Variants in PLAAT1 observed in about 807,000 individuals in gnomAD.
PLAAT1 encodes H-REV107 protein-related protein.
PLAAT1 carries 13 observed loss-of-function variants against 16.4 expected under a neutral mutation model. The ratio of observed to expected loss-of-function variants is 0.79; its 90% CI spans 0.52 to 1.26. The LOEUF is 1.26. Among genes scored for constraint, PLAAT1 ranks in the 50% most tolerant of loss-of-function variants. PLAAT1 has a pLI of 0.00. For missense variants in PLAAT1, 218 were observed against 207.8 expected (o/e 1.05, Z -0.30); for synonymous variants, 73 against 78.4 (o/e 0.93, Z 0.36).
chr3:193,255,408 G>A (rs575520131), intron 1 of PLAAT1, among the ~76,000 whole-genome samples: 7 of 152,172 alleles, frequency 4.6e-5, no homozygotes, highest in Middle Eastern at 3.4e-3. Context: ...GAAATTGATC[G>A]GGATGAGAAG....
At position 193,251,525 on chromosome 3, in the gene PLAAT1, G is replaced by A. The variant is rs144207503; in HGVS notation, c.1-4126G>A. Among the ~76,000 whole-genome samples, 42 of 152,178 alleles carry A rather than the reference G, an allele frequency of 2.8e-4. 1 individual carries two copies. The East Asian group carries it at 6.0e-3, about 22-fold the overall frequency. The stretch of plus-strand genomic sequence containing the variant: ...GGTGTGAAACCTCACTTTGTTTTTC[G>A]TGCTTGAGGGAAATCCTCCAATGCC... On this transcript the variant is annotated intron_variant, in intron 1 of 3. Coordinates refer to ENST00000264735, the MANE Select transcript of PLAAT1 (RefSeq NM_020386.5).
chr3:193,242,158 A>G (rs934965293), intron 1 of PLAAT1, among the ~76,000 whole-genome samples: 3 of 145,006 alleles, frequency 2.1e-5, no homozygotes, highest in Non-Finnish European at 4.5e-5. Flanking sequence ...CATTAGAGTT[A>G]GTGTATTTTA....
In PLAAT1 at chr3:193,270,625, G is replaced by A. The variant is rs147242865; in HGVS notation, c.427G>A (p.Val143Ile). 6.9e-5 allele frequency: 111 copies of A among 1,613,436 alleles called. No homozygotes were observed. The highest frequency in any genetic ancestry group is 2.4e-4 in the African/African-American group (18 of 75,034). ...SEQANRAIST[V>I]EFVTAAVGVF... ...ATAGGCCAACCGAGCGATAAGTACC[G>A]TTGAGTTTGTGACAGCTGCTGTTGG... The change falls in exon 4 of 4, where the codon GTT becomes ATT. Residue 143 changes from valine to isoleucine, a missense_variant. Physicochemically the swap from Val to Ile is conservative, Grantham distance 29. Transcript: ENST00000264735.
chr3:193,270,612 A>G lies in PLAAT1; in HGVS notation c.414A>G (p.Arg138=). 6.2e-7 allele frequency: 1 copy of G among 1,612,396 alleles called. No individual in the cohort carries two copies. Among genetic ancestry groups the G allele is most frequent in the African/African-American group, 1.3e-5 (1 of 74,982 alleles). The change falls in exon 4 of 4, where the codon CGA becomes CGG. Residue 138 remains arginine, a synonymous_variant. Transcript: ENST00000264735. ...YGEGVSEQAN[R]AISTVEFVTA... ...TTCTTGTTTCCTTATAGGCCAACCGAGCGATAAGTACCGTTGAGTTTGTGA... is the reference window on the plus strand; with the variant it reads ...TTCTTGTTTCCTTATAGGCCAACCGGGCGATAAGTACCGTTGAGTTTGTGA...
downstream of PLAAT1, among the ~76,000 whole-genome samples, chr3:193,271,603 G>A (rs1365832942): frequency 6.6e-6 from 1 of 152,182 alleles, no homozygotes; most frequent in South Asian, 2.1e-4. Flanking sequence ...GAAAGGGGGA[G>A]TGCAGCTCTC....
chr3:193,266,849 C>T (rs1481417829), intron 3 of PLAAT1, among the ~76,000 whole-genome samples: 1 of 151,270 alleles, frequency 6.6e-6, no homozygotes, highest in South Asian at 2.1e-4. Context: ...AATAGTATTA[C>T]TACTAATAAT....
At chr3:193,250,682 G>A (rs1184374765) in intron 1 of PLAAT1, among the ~76,000 whole-genome samples, 1 of 151,788 alleles carries the variant, frequency 6.6e-6, no homozygotes, top group East Asian at 1.9e-4. Flanking sequence ...TAGAGGGAGT[G>A]ACTGCTCTCC....
intron 3 of PLAAT1, among the ~76,000 whole-genome samples, chr3:193,266,835 A>ATTAGTT (rs3048428): frequency 0.011 from 1,718 of 152,264 alleles, 12 homozygotes; most frequent in Non-Finnish European, 0.018. Context: ...TACTATCAAT[A>ATTAGTT]ACTAATAGTA....
At chr3:193,262,783 TAGTA>T (rs1303313740) in intron 2 of PLAAT1, among the ~76,000 whole-genome samples, 183 bp from the exon 3 acceptor site, 2 of 152,194 alleles carry the variant, frequency 1.3e-5, no homozygotes, top group African/African-American at 2.4e-5. Context: ...ACTCATACAA[TAGTA>T]AGTGTTACTG....
intron 1 of PLAAT1, among the ~76,000 whole-genome samples, chr3:193,253,119 T>TA (rs1383208243): frequency 6.6e-6 from 1 of 152,206 alleles, no homozygotes; most frequent in Non-Finnish European, 1.5e-5. Context: ...GATTAGATAA[T>TA]ATCTGAAGTA....
intron 1 of PLAAT1, among the ~76,000 whole-genome samples, chr3:193,247,728 T>C (rs889764502): frequency 1.3e-5 from 2 of 152,216 alleles, no homozygotes; most frequent in South Asian, 2.1e-4. Context: ...AATTTCCACA[T>C]AGAGTTTTCC....
At chr3:193,257,133 C>T (rs541427923) in intron 2 of PLAAT1, among the ~76,000 whole-genome samples, 113 of 152,260 alleles carry the variant, frequency 7.4e-4, no homozygotes, top group Admixed American at 4.8e-3. Flanking sequence ...TAGGTTCTGA[C>T]TCTTAGGTTC....
At chr3:193,272,801 T>A (rs1349350563), downstream of PLAAT1, among the ~76,000 whole-genome samples, 1 of 114,928 alleles carries the variant, frequency 8.7e-6, no homozygotes. Flanking sequence ...TGTGGTAGTT[T>A]TCACCCTTAG....
downstream of PLAAT1, among the ~76,000 whole-genome samples, chr3:193,274,069 C>T (rs551356454): frequency 3.3e-5 from 5 of 152,088 alleles, no homozygotes; most frequent in South Asian, 2.1e-4. Flanking sequence ...CATGGTGAAA[C>T]GCCATCTTTA....
chr3:193,242,140 T>C (rs1715785551), intron 1 of PLAAT1, among the ~76,000 whole-genome samples: 4 of 150,610 alleles, frequency 2.7e-5, no homozygotes, highest in East Asian at 3.9e-4. Flanking sequence ...TTTTTTCTCA[T>C]CAGCTATCAT....
intron 2 of PLAAT1, among the ~76,000 whole-genome samples, chr3:193,260,170 C>A (rs1420507307): frequency 2.6e-5 from 4 of 152,044 alleles, no homozygotes. Flanking sequence ...AGAAAAAAAA[C>A]TGGACCTCTG....
intron 1 of PLAAT1, among the ~76,000 whole-genome samples, chr3:193,246,238 AT>A (rs1310072620): frequency 6.6e-6 from 1 of 152,030 alleles, no homozygotes; most frequent in African/African-American, 2.4e-5. Flanking sequence ...TTCTATGCCT[AT>A]TTTTTGAGAG....
chr3:193,279,574 A>G (rs1717387653), downstream of PLAAT1: 2 of 692,140 alleles, frequency 2.9e-6, no homozygotes, highest in South Asian at 1.7e-5. Flanking sequence ...AGATGTTTTG[A>G]TATATCCTCA....
At chr3:193,240,997 G>T (rs1183970316), upstream of PLAAT1, 2 of 359,242 alleles carry the variant, frequency 5.6e-6, no homozygotes, top group Non-Finnish European at 4.9e-6. Flanking sequence ...TCCGAGACGC[G>T]GGTGCGGAGC....
Sources: gnomAD v4.1 joint callset for allele counts (sites outside exome capture counted in the v4.1 genomes callset) on GRCh38, gnomAD v4.1.1 for gene constraint, MANE v1.5 for transcripts, NCBI Gene and HGNC (gene_info 2026-07-23, HGNC 2026-07-21) for gene names.